Variants in CACNG4 observed in about 807,000 individuals in gnomAD.
The protein encoded by CACNG4 is voltage-dependent calcium channel gamma-4 subunit.
In CACNG4, 8 loss-of-function variants were observed where a neutral mutation model predicts 22.9. That is an observed-to-expected ratio of 0.35 (90% CI 0.21 to 0.63). CACNG4 has a LOEUF of 0.63. Among genes scored for constraint, CACNG4 ranks in the 30% least tolerant of loss-of-function variants. The pLI is 0.72. For missense variants in CACNG4, 357 were observed against 455.4 expected (o/e 0.78, Z 1.97); for synonymous variants, 188 against 191.9 (o/e 0.98, Z 0.17).
At chr17:66,992,136 T>C (rs2035344111) in intron 1 of CACNG4, among the ~76,000 whole-genome samples, 1 of 144,458 alleles carries the variant, frequency 6.9e-6, no homozygotes, top group African/African-American at 2.6e-5. Context: ...TGTCACGGGG[T>C]ACCTGGTTGC....
At position 66,980,055 on chromosome 17, in the gene CACNG4, G is replaced by T. The variant is rs376597805; in HGVS notation, c.220+14924G>T. Among the ~76,000 whole-genome samples the T allele has an allele frequency of 8.9e-4, 135 of 152,256 alleles. 1 individual carries two copies. The highest frequency in any genetic ancestry group is 3.4e-3 in the Middle Eastern group (1 of 294). ...AGGCATGAGCCACTGCACCCAGCCTGTTCTTTTTATTCTTAAATGCATCCA... is the reference window on the plus strand; with the variant it reads ...AGGCATGAGCCACTGCACCCAGCCTTTTCTTTTTATTCTTAAATGCATCCA... On this transcript the variant is annotated intron_variant, in intron 1 of 3. Coordinates refer to ENST00000262138, the MANE Select transcript of CACNG4 (RefSeq NM_014405.4).
chr17:66,973,860 TC>T (rs2083273632), intron 1 of CACNG4, among the ~76,000 whole-genome samples: 1 of 152,026 alleles, frequency 6.6e-6, no homozygotes, highest in African/African-American at 2.4e-5. Context: ...CAACGTCCCG[TC>T]CCCCAATTCT....
At chr17:67,019,258 G>A (rs1224526443) in intron 2 of CACNG4, among the ~76,000 whole-genome samples, 1 of 152,028 alleles carries the variant, frequency 6.6e-6, no homozygotes, top group Non-Finnish European at 1.5e-5. Flanking sequence ...AACAGCACGC[G>A]GTTCCCATAG....
intron 1 of CACNG4, among the ~76,000 whole-genome samples, chr17:66,976,380 C>T (rs1052650360): frequency 1.4e-5 from 2 of 148,084 alleles, no homozygotes; most frequent in African/African-American, 2.5e-5. Flanking sequence ...CCTCCATCCT[C>T]CCCTCCCTCC....
At chr17:66,982,142 T>C (rs2035279451) in intron 1 of CACNG4, among the ~76,000 whole-genome samples, 1 of 152,134 alleles carries the variant, frequency 6.6e-6, no homozygotes, top group Non-Finnish European at 1.5e-5. Flanking sequence ...AGATTTACTG[T>C]GAAGAGTGAA....
At chr17:66,967,886 T>C (rs1488142065) in intron 1 of CACNG4, among the ~76,000 whole-genome samples, 1 of 152,212 alleles carries the variant, frequency 6.6e-6, no homozygotes, top group Non-Finnish European at 1.5e-5. Context: ...CCATGCATTC[T>C]GGCAGGGCTA....
At chr17:66,994,863 G>A (rs562802917) in intron 1 of CACNG4, among the ~76,000 whole-genome samples, 1 of 152,168 alleles carries the variant, frequency 6.6e-6, no homozygotes, top group African/African-American at 2.4e-5. Context: ...TTCCCAGGCA[G>A]GGTGGTGAAG....
At chr17:67,009,599 C>T (rs1208693123) in intron 1 of CACNG4, among the ~76,000 whole-genome samples, 1 of 152,134 alleles carries the variant, frequency 6.6e-6, no homozygotes, top group Non-Finnish European at 1.5e-5. Flanking sequence ...TAGTATATAA[C>T]AAAATACTAT....
At position 67,030,907 on chromosome 17, in the gene CACNG4, A is replaced by G. The variant is rs569774258; in HGVS notation, c.887A>G (p.Gln296Arg). ...VTTAASYSPD[Q>R]EASFLQVHDF... is the part of the protein sequence containing the mutation. ...ACCGCAGCCAGCTACAGCCCCGACC[A>G]GGAGGCCAGCTTCCTGCAGGTGCAT... The change falls in exon 4 of 4, where the codon CAG becomes CGG. Residue 296 changes from glutamine (Q) to arginine (R), a missense_variant. Physicochemically the swap from Gln to Arg is conservative, Grantham distance 43 (BLOSUM62 1). This residue lies in a region of CACNG4 where 240 missense variants were observed against 277.6 expected (regional missense o/e 0.86). Coordinates refer to ENST00000262138, the MANE Select transcript of CACNG4 (RefSeq NM_014405.4). This position sits in a 1 kb window ranked among gnomAD's most constrained non-coding sequence, Gnocchi z 6.4. 3.7e-6 allele frequency: 6 copies of G among 1,613,134 alleles called. No homozygotes were observed. Among genetic ancestry groups the G allele is most frequent in the Middle Eastern group, 1.6e-4 (1 of 6,062 alleles).
intron 1 of CACNG4, among the ~76,000 whole-genome samples, chr17:66,980,853 A>G (rs1486140776): frequency 2.0e-5 from 3 of 152,084 alleles, no homozygotes; most frequent in Non-Finnish European, 1.5e-5. Flanking sequence ...TCCTGACCTC[A>G]GGCAATCCGC....
rs2035156970 is a variant in CACNG4, at chr17:66,964,947, G to A, written c.36G>A (p.Leu12=). The A allele has an allele frequency of 5.6e-6, 9 of 1,603,394 alleles. No individual in the cohort carries two copies. Among genetic ancestry groups the A allele is most frequent in the Non-Finnish European group, 7.6e-6 (9 of 1,176,970 alleles). ...GCGACCGCGGGCTGCAGATGCTGCTGACCACGGCCGGAGCCTTCGCCGCCT... is the reference window on the plus strand; with the variant it reads ...GCGACCGCGGGCTGCAGATGCTGCTAACCACGGCCGGAGCCTTCGCCGCCT... ...VRCDRGLQML[L]TTAGAFAAFS... The change falls in exon 1 of 4, where the codon CTG becomes CTA. Residue 12 remains leucine, a synonymous_variant. Coordinates refer to ENST00000262138, the MANE Select transcript of CACNG4 (RefSeq NM_014405.4).
chr17:66,969,902 T>C (rs1265012189), intron 1 of CACNG4, among the ~76,000 whole-genome samples: 2 of 152,160 alleles, frequency 1.3e-5, no homozygotes, highest in African/African-American at 4.8e-5. Context: ...GCTTTCATTT[T>C]CTCTTGAAAT....
At chr17:66,985,125 C>T (rs551128613) in intron 1 of CACNG4, among the ~76,000 whole-genome samples, 1 of 152,318 alleles carries the variant, frequency 6.6e-6, no homozygotes, top group African/African-American at 2.4e-5. Flanking sequence ...GTACCCTGCT[C>T]TGGGGGGCTC....
intron 1 of CACNG4, among the ~76,000 whole-genome samples, chr17:67,006,432 C>A (rs2035438285): frequency 6.6e-6 from 1 of 152,226 alleles, no homozygotes; most frequent in Admixed American, 6.5e-5. Flanking sequence ...TGCAGCCCCA[C>A]CTGCTTACTC....
At chr17:67,015,174 G>A (rs952738315) in intron 1 of CACNG4, among the ~76,000 whole-genome samples, 2 of 152,142 alleles carry the variant, frequency 1.3e-5, no homozygotes, top group African/African-American at 2.4e-5. Flanking sequence ...CATCCATGCC[G>A]CAGAATTCCG....
intron 3 of CACNG4, among the ~76,000 whole-genome samples, chr17:67,029,066 C>G (rs1226036659): frequency 6.6e-6 from 1 of 152,208 alleles, no homozygotes; most frequent in Non-Finnish European, 1.5e-5. Flanking sequence ...GGCGTGGTGG[C>G]TCACACCTAT....
intron 1 of CACNG4, among the ~76,000 whole-genome samples, chr17:66,999,824 A>G (rs1160387320): frequency 6.6e-6 from 1 of 152,242 alleles, no homozygotes; most frequent in Non-Finnish European, 1.5e-5. Context: ...GGCAAAAGCC[A>G]GAGCAACTGT....
At position 67,030,531 on chromosome 17, in the gene CACNG4, C is replaced by T. The variant is rs1334540214; in HGVS notation, c.511C>T (p.Arg171Trp). 1.1e-5 allele frequency: 17 copies of T among 1,613,994 alleles called. No individual in the cohort carries two copies. The highest frequency in any genetic ancestry group is 2.7e-5 in the African/African-American group (2 of 74,894). The change falls in exon 4 of 4, where the codon CGG (arginine) becomes TGG (tryptophan). Residue 171 changes from arginine (R) to tryptophan (W), a missense_variant. This residue lies in a region of CACNG4 where 240 missense variants were observed against 277.6 expected (regional missense o/e 0.86). Transcript: ENST00000262138. This position sits in a 1 kb window ranked among gnomAD's most constrained non-coding sequence, Gnocchi z 6.4. The stretch of plus-strand genomic sequence containing the variant: ...CAACACAGGTGACCCGAGTGACAAG[C>T]GGGACGAAGACAAAAAGAACCATTA... Reference protein sequence around the residue: ...SSNTGDPSDKRDEDKKNHYNY... With the variant: ...SSNTGDPSDKWDEDKKNHYNY...
At chr17:66,994,915 C>G (rs752412723) in intron 1 of CACNG4, among the ~76,000 whole-genome samples, 2 of 152,084 alleles carry the variant, frequency 1.3e-5, no homozygotes, top group Non-Finnish European at 2.9e-5. Context: ...TGGAGCCATT[C>G]GCCCCCTTGA....
Sources: allele counts gnomAD v4.1 joint callset (sites outside exome capture counted in the v4.1 genomes callset), GRCh38; gene constraint gnomAD v4.1.1; regional missense constraint gnomAD v4.1.1; non-coding constraint Gnocchi (gnomAD v3.1); transcripts MANE v1.5; gene names NCBI Gene and HGNC (gene_info 2026-07-23, HGNC 2026-07-21).